The following CLYBL variants were observed in gnomAD, a reference collection of about 807,000 sequenced individuals.
CLYBL encodes the protein citramalyl-CoA lyase, mitochondrial.
Under a neutral mutation model 38.9 loss-of-function variants are expected in CLYBL, and 31 were observed. The observed-to-expected ratio is 0.80, with a 90% CI of 0.60 to 1.08. The LOEUF is 1.08. Ranked by LOEUF, CLYBL falls within the 50% of genes least tolerant of loss-of-function variation. CLYBL has a pLI of 0.00. For synonymous variants in CLYBL, 171 were observed against 158.6 expected, an observed-to-expected ratio of 1.08 and a Z score of -0.59; for missense variants, 434 against 411.6, an observed-to-expected ratio of 1.05 and a Z score of -0.47.
intron 1 of CLYBL, among the ~76,000 whole-genome samples, chr13:99,709,107 A>G (rs1487995457): frequency 6.6e-6 from 1 of 152,092 alleles, no homozygotes; most frequent in Non-Finnish European, 1.5e-5. Context: ...AAAAGAAAGA[A>G]AAAAAAGGAG....
At chr13:99,757,750 C>A (rs937587089) in intron 1 of CLYBL, among the ~76,000 whole-genome samples, 1 of 152,178 alleles carries the variant, frequency 6.6e-6, no homozygotes, top group Non-Finnish European at 1.5e-5. Flanking sequence ...TGAACCACTG[C>A]GCCTGGCCAC....
chr13:99,743,703 G>A (rs979806386), intron 1 of CLYBL, among the ~76,000 whole-genome samples: 1 of 152,034 alleles, frequency 6.6e-6, no homozygotes, highest in Non-Finnish European at 1.5e-5. Context: ...AAGACCTGGT[G>A]GTGTTTATAA....
chr13:99,672,931 C>T (rs1053843992), intron 1 of CLYBL, among the ~76,000 whole-genome samples: 1 of 152,134 alleles, frequency 6.6e-6, no homozygotes, highest in Non-Finnish European at 1.5e-5. Context: ...TTCAGCAGTC[C>T]TTCATCCATG....
At chr13:99,745,176 A>G (rs977751191) in intron 1 of CLYBL, among the ~76,000 whole-genome samples, 8 of 152,256 alleles carry the variant, frequency 5.3e-5, no homozygotes, top group Non-Finnish European at 1.5e-5. Flanking sequence ...CTCCATCTCT[A>G]ACTGACCTAT....
At chr13:99,646,301 G>C (rs534890634) in intron 1 of CLYBL, among the ~76,000 whole-genome samples, 111 of 152,212 alleles carry the variant, frequency 7.3e-4, no homozygotes, top group African/African-American at 2.3e-3. Context: ...CTAATGAGGA[G>C]TGGTGTGTTA....
intron 5 of CLYBL, 44 bp downstream of exon 5, chr13:99,864,955 G>GTC (rs1566359349): frequency 9.2e-7 from 1 of 1,092,004 alleles, no homozygotes. Context: ...GTGTGTGTGT[G>GTC]TATATGTGTG....
At chr13:99,759,311 A>G (rs2049122461) in intron 1 of CLYBL, among the ~76,000 whole-genome samples, 1 of 152,228 alleles carries the variant, frequency 6.6e-6, no homozygotes, top group Non-Finnish European at 1.5e-5. Flanking sequence ...AAAGCAGGGG[A>G]TAAACAGAGG....
chr13:99,829,595 G>C (rs1238852459), intron 2 of CLYBL, among the ~76,000 whole-genome samples: 1 of 152,182 alleles, frequency 6.6e-6, no homozygotes, highest in Admixed American at 6.5e-5. Context: ...TTGAGCACTA[G>C]AAAGGAAGTG....
intron 2 of CLYBL, among the ~76,000 whole-genome samples, chr13:99,840,782 G>GAAAAAAAAAAAAAAA (rs1168663737): frequency 2.0e-5 from 1 of 51,226 alleles, no homozygotes; most frequent in African/African-American, 9.7e-5. Context: ...AAAAAAAAAG[G>GAAAAAAAAAAAAAAA]GTTACATATG....
chr13:99,861,342 G>A (rs1291905695), intron 3 of CLYBL, among the ~76,000 whole-genome samples: 1 of 152,060 alleles, frequency 6.6e-6, no homozygotes, highest in East Asian at 1.9e-4. Flanking sequence ...GGAATATATT[G>A]TAAAGTGTTG....
At chr13:99,828,698 T>C (rs1374086582) in intron 2 of CLYBL, among the ~76,000 whole-genome samples, 1 of 152,182 alleles carries the variant, frequency 6.6e-6, no homozygotes, top group African/African-American at 2.4e-5. Flanking sequence ...GGGGTAAGCT[T>C]ATGTTGGAAA....
Position 99,687,603 on chromosome 13 carries a change from T to C in CLYBL, c.62+80846T>C, listed in dbSNP as rs528598594. Among the ~76,000 whole-genome samples the C allele has an allele frequency of 3.3e-5, 5 of 152,272 alleles. 2 individuals carry two copies. In the South Asian group the frequency reaches 1.0e-3, roughly 32 times the overall value. Reference sequence around the variant, plus strand: ...AATGGTAGGCTAAATGAGGGAACCATTAAAGGGTTTTTAATAGACTTTTGA... The same window carrying C: ...AATGGTAGGCTAAATGAGGGAACCACTAAAGGGTTTTTAATAGACTTTTGA... On this transcript the variant is annotated intron_variant, in intron 1 of 8. Coordinates refer to ENST00000339105, the MANE Select transcript of CLYBL (RefSeq NM_206808.5).
chr13:99,643,483 T>C (rs2047126428), intron 1 of CLYBL, among the ~76,000 whole-genome samples: 1 of 152,196 alleles, frequency 6.6e-6, no homozygotes, highest in Non-Finnish European at 1.5e-5. Context: ...CCAAGGGGCA[T>C]ATGCATTTCT....
chr13:99,652,174 T>A (rs2047264539), intron 1 of CLYBL, among the ~76,000 whole-genome samples: 1 of 152,202 alleles, frequency 6.6e-6, no homozygotes, highest in Non-Finnish European at 1.5e-5. Flanking sequence ...CCAACTGGGC[T>A]AATAGGGCCC....
At chr13:99,824,152 T>G (rs1293265547) in intron 2 of CLYBL, among the ~76,000 whole-genome samples, 2 of 152,220 alleles carry the variant, frequency 1.3e-5, no homozygotes, top group Non-Finnish European at 2.9e-5. Context: ...GCTGGTGGCT[T>G]GGCATAAGCA....
chr13:99,762,907 A>C (rs925417363), intron 1 of CLYBL, among the ~76,000 whole-genome samples: 34 of 152,136 alleles, frequency 2.2e-4, no homozygotes, highest in Non-Finnish European at 2.9e-5. Flanking sequence ...TTTGGTTGCT[A>C]GGTTTTTAAT....
At chr13:99,809,400 A>G (rs2050296619) in intron 2 of CLYBL, among the ~76,000 whole-genome samples, 1 of 152,180 alleles carries the variant, frequency 6.6e-6, no homozygotes, top group Non-Finnish European at 1.5e-5. Flanking sequence ...GGTGGGCTCA[A>G]GGTTCTATGT....
intron 2 of CLYBL, among the ~76,000 whole-genome samples, chr13:99,841,536 A>G (rs1385480807): frequency 6.6e-6 from 1 of 151,968 alleles, no homozygotes; most frequent in African/African-American, 2.4e-5. Flanking sequence ...AGTAGCTGGT[A>G]CTACAGGCGC....
At chr13:99,757,062 A>G (rs1293634198) in intron 1 of CLYBL, among the ~76,000 whole-genome samples, 1 of 151,974 alleles carries the variant, frequency 6.6e-6, no homozygotes, top group African/African-American at 2.4e-5. Flanking sequence ...ACACCGGCCA[A>G]TTATTTAAAA....
Sources: allele counts gnomAD v4.1 joint callset (sites outside exome capture counted in the v4.1 genomes callset), GRCh38; gene constraint gnomAD v4.1.1; transcripts MANE v1.5; gene names NCBI Gene and HGNC (gene_info 2026-07-23, HGNC 2026-07-21).